The following NCR1 variants were observed in gnomAD, a reference collection of about 807,000 sequenced individuals.
The protein encoded by NCR1 is NK cell-activating receptor.
Under a neutral mutation model 32.5 loss-of-function variants are expected in NCR1, and 30 were observed. The observed-to-expected ratio is 0.92, with a 90% CI of 0.69 to 1.25. The LOEUF (loss-of-function observed/expected upper bound fraction) is 1.25. NCR1 is among the 50% of genes most tolerant of loss of function. The pLI, the probability that NCR1 is intolerant of heterozygous loss-of-function variation, is 0.00. For synonymous variants in NCR1, 169 were observed against 143.4 expected (o/e 1.18, Z -1.28); for missense variants, 369 against 380.7 (o/e 0.97, Z 0.26).
chr19:54,923,283 C>A, the NCR1 span, among the ~76,000 whole-genome samples: 2 of 152,154 alleles, frequency 1.3e-5, no homozygotes, highest in Admixed American at 6.6e-5. Context: ...TTTGTCAATG[C>A]GTGGGTTGAT....
the NCR1 span, among the ~76,000 whole-genome samples, chr19:54,937,267 G>A: frequency 6.6e-6 from 1 of 151,550 alleles, no homozygotes; most frequent in Non-Finnish European, 1.5e-5. Flanking sequence ...ACAACTAAGG[G>A]GTACTAGGCT....
chr19:54,913,055 CTTT>C lies in NCR1; in HGVS notation c.*197_*199del, dbSNP rs200118432. The C allele has an allele frequency of 0.13, 57,739 of 428,072 alleles. 4,301 individuals are homozygous for C. Among genetic ancestry groups the C allele is most frequent in the East Asian group, 0.38 (10,145 of 26,656 alleles). The allele number at this position is 428,072 out of a possible 1,614,324, so 26.5% of individuals were successfully genotyped here. A position where few individuals can be genotyped will look rare whatever the true frequency, so the allele number is the denominator to read the frequency against. On this transcript the variant is annotated 3_prime_UTR_variant, in exon 7 of 7. Coordinates refer to ENST00000291890, the MANE Select transcript of NCR1 (RefSeq NM_004829.7). ...GGTGGGAGAACTACATGCTAAATTTCTTTTTTTTTTTTTTTGAGACAGAGTTTT... is the reference window on the plus strand; with the variant it reads ...GGTGGGAGAACTACATGCTAAATTTCTTTTTTTTTTTTGAGACAGAGTTTT...
chr19:54,912,268 G>C, intron 6 of NCR1, 50 bp downstream of exon 6: 1 of 1,558,212 alleles, frequency 6.4e-7, no homozygotes, highest in East Asian at 2.2e-5. Flanking sequence ...GCTGGGCATA[G>C]AGTAGACCTA....
intron 3 of NCR1, among the ~76,000 whole-genome samples, chr19:54,909,002 A>T (rs1490368706): frequency 5.6e-5 from 1 of 17,802 alleles, no homozygotes; most frequent in Admixed American, 7.8e-4. Flanking sequence ...ATAATAATTA[A>T]AAAAAAAAAA....
At chr19:54,898,908 G>T in the NCR1 span, among the ~76,000 whole-genome samples, 1 of 152,142 alleles carries the variant, frequency 6.6e-6, no homozygotes, top group African/African-American at 2.4e-5. Context: ...GAGGGGAGGT[G>T]ATAAAAGGAT....
chr19:54,935,915 G>C, the NCR1 span, among the ~76,000 whole-genome samples: 6 of 151,992 alleles, frequency 3.9e-5, no homozygotes, highest in Admixed American at 3.3e-4. Context: ...CCCGTCTGTG[G>C]AAAAAACTGT....
At chr19:54,908,437 T>C (rs1173519181) in intron 3 of NCR1, among the ~76,000 whole-genome samples, 1 of 152,170 alleles carries the variant, frequency 6.6e-6, no homozygotes, top group Non-Finnish European at 1.5e-5. Context: ...TTCCCCACAT[T>C]TCCCCTTTTT....
upstream of NCR1, among the ~76,000 whole-genome samples, chr19:54,903,810 G>A (rs1184300166): frequency 2.0e-5 from 3 of 151,458 alleles, no homozygotes; most frequent in Non-Finnish European, 2.9e-5. Context: ...ATTAAGTGGA[G>A]AGTTAGTTAC....
the NCR1 span, among the ~76,000 whole-genome samples, chr19:54,898,486 T>C: frequency 6.6e-6 from 1 of 152,160 alleles, no homozygotes; most frequent in African/African-American, 2.4e-5. Flanking sequence ...AACTCAGAAA[T>C]ATGTTGCTAT....
upstream of NCR1, among the ~76,000 whole-genome samples, chr19:54,905,519 A>G (rs116074542): frequency 0.056 from 8,535 of 152,198 alleles, 302 homozygotes; most frequent in Middle Eastern, 0.12. Context: ...CAGTTATTCA[A>G]TTGAGACATG....
chr19:54,908,653 C>CTTTT (rs34151807), intron 3 of NCR1, among the ~76,000 whole-genome samples: 1 of 135,074 alleles, frequency 7.4e-6, no homozygotes, highest in Non-Finnish European at 1.6e-5. Flanking sequence ...CTGGCCGGGG[C>CTTTT]TTTTTTTTTT....
chr19:54,926,111 T>C, the NCR1 span, among the ~76,000 whole-genome samples: 1 of 151,082 alleles, frequency 6.6e-6, no homozygotes, highest in Admixed American at 6.6e-5. Flanking sequence ...TATACACGGG[T>C]CACAACTAAG....
chr19:54,919,538 G>C (rs948644866), downstream of NCR1, among the ~76,000 whole-genome samples: 5 of 152,230 alleles, frequency 3.3e-5, no homozygotes, highest in African/African-American at 7.2e-5. Context: ...CTAGAAGGCA[G>C]AGCCAGGTGT....
At chr19:54,933,676 G>A in the NCR1 span, 1 of 1,614,150 alleles carries the variant, frequency 6.2e-7, no homozygotes, top group South Asian at 1.1e-5. Flanking sequence ...TCAGCTTCTT[G>A]CTGACAACCA....
chr19:54,918,224 A>ATG (rs2068174416), downstream of NCR1, among the ~76,000 whole-genome samples: 1 of 151,272 alleles, frequency 6.6e-6, no homozygotes, highest in Non-Finnish European at 1.5e-5. Flanking sequence ...AAGCCACCGC[A>ATG]CCCGGCCTTA....
the NCR1 span, among the ~76,000 whole-genome samples, chr19:54,937,150 A>G: frequency 6.6e-6 from 1 of 150,856 alleles, no homozygotes; most frequent in Non-Finnish European, 1.5e-5. Flanking sequence ...CCCGGGAGGC[A>G]GGGCTTGCAG....
rs1305268674 is a variant in NCR1, at chr19:54,906,506, C to T, written c.71-17C>T. On this transcript the variant is annotated splice_polypyrimidine_tract_variant and intron_variant, in intron 2 of 6. Coordinates refer to ENST00000291890, the MANE Select transcript of NCR1 (RefSeq NM_004829.7). ...GAGGGGGCTCCGCTGGAACTCCAGCCTCTGATTCCCTTCCAGAGACTCTCC... is the reference window on the plus strand; with the variant it reads ...GAGGGGGCTCCGCTGGAACTCCAGCTTCTGATTCCCTTCCAGAGACTCTCC... 7 of 1,602,700 alleles carry T rather than the reference C, an allele frequency of 4.4e-6. No individual in the cohort carries two copies. Among genetic ancestry groups the T allele is most frequent in the Non-Finnish European group, 5.9e-6 (7 of 1,179,096 alleles).
In NCR1 at chr19:54,909,379, G is replaced by T. The variant is rs199912363; in HGVS notation, c.490G>T (p.Val164Leu). 6.2e-7 allele frequency: 1 copy of T among 1,614,052 alleles called. No individual in the cohort carries two copies. Among genetic ancestry groups the T allele is most frequent in the African/African-American group, 1.3e-5 (1 of 75,050 alleles). ...GCTCAAGGAGGGAAGATCCAGCCAC[G>T]TACAGCGCGGATACGGGAAGGTCCA... Reference protein sequence around the residue: ...LLLKEGRSSHVQRGYGKVQAE... With the variant: ...LLLKEGRSSHLQRGYGKVQAE... The change falls in exon 4 of 7, where the codon GTA (valine) becomes TTA (leucine). Residue 164 changes from valine to leucine, a missense_variant. Val to Leu is a conservative substitution (Grantham distance 32). Coordinates refer to ENST00000291890, the MANE Select transcript of NCR1 (RefSeq NM_004829.7).
chr19:54,914,179 C>A (rs80354326), downstream of NCR1, among the ~76,000 whole-genome samples: 4 of 92,610 alleles, frequency 4.3e-5, no homozygotes, highest in Admixed American at 1.1e-4. Flanking sequence ...TTTTTTTTTT[C>A]TTTTTTTTTG....
Sources: gnomAD v4.1 joint callset for allele counts (sites outside exome capture counted in the v4.1 genomes callset) on GRCh38, gnomAD v4.1.1 for gene constraint, MANE v1.5 for transcripts, NCBI Gene and HGNC (gene_info 2026-07-23, HGNC 2026-07-21) for gene names.